The following IL1RAPL1 variants were observed in gnomAD, a reference collection of about 807,000 sequenced individuals.
The protein encoded by IL1RAPL1 is interleukin-1 receptor accessory protein-like 1.
Under a neutral mutation model 48.4 loss-of-function variants are expected in IL1RAPL1, and 3 were observed. The ratio of observed to expected loss-of-function variants is 0.06; its 90% CI spans 0.03 to 0.16. The LOEUF is 0.16. IL1RAPL1 is among the 10% of genes least tolerant of loss of function. IL1RAPL1 has a pLI of 1.00. For missense variants in IL1RAPL1, 349 were observed against 530.6 expected (o/e 0.66, Z 3.36); for synonymous variants, 185 against 187.7 (o/e 0.99, Z 0.12).
At chrX:29,723,734 A>C (rs1215627687) in intron 6 of IL1RAPL1, among the ~76,000 whole-genome samples, 2 of 112,442 alleles carry the variant, frequency 1.8e-5, no homozygotes, top group Non-Finnish European at 3.8e-5. Context: ...GTAAGTAATG[A>C]AGTAGATAAA....
intron 6 of IL1RAPL1, among the ~76,000 whole-genome samples, chrX:29,895,463 A>G (rs978965356): frequency 3.6e-5 from 4 of 111,933 alleles, no homozygotes; most frequent in African/African-American, 1.3e-4. Context: ...GAGGCAGGAG[A>G]ATTGCTTGGA....
intron 6 of IL1RAPL1, among the ~76,000 whole-genome samples, chrX:29,867,134 A>G (rs1393713393): frequency 9.1e-6 from 1 of 109,561 alleles, no homozygotes; most frequent in Non-Finnish European, 1.9e-5. Flanking sequence ...ATAATAAAAT[A>G]TATATTGGTA....
chrX:29,319,200 A>G (rs1932784588), intron 3 of IL1RAPL1, among the ~76,000 whole-genome samples: 1 of 100,254 alleles, frequency 1.0e-5, no homozygotes, highest in Non-Finnish European at 2.1e-5. Context: ...CTATCTATCT[A>G]TCTATAGTTG....
intron 5 of IL1RAPL1, among the ~76,000 whole-genome samples, chrX:29,643,759 A>G (rs1925236587): frequency 9.0e-6 from 1 of 111,155 alleles, no homozygotes; most frequent in South Asian, 3.8e-4. Context: ...TTCTTTATTC[A>G]TGCTGCTCCC....
At chrX:28,752,091 G>T (rs1209740097) in intron 1 of IL1RAPL1, among the ~76,000 whole-genome samples, 3 of 111,972 alleles carry the variant, frequency 2.7e-5, no homozygotes, top group Non-Finnish European at 5.6e-5. Context: ...ACATAAACTG[G>T]CATGCACATT....
intron 2 of IL1RAPL1, among the ~76,000 whole-genome samples, chrX:28,977,257 C>T (rs1346347556): frequency 8.9e-6 from 1 of 112,153 alleles, no homozygotes; most frequent in Non-Finnish European, 1.9e-5. Flanking sequence ...TTAATTGGTT[C>T]ACAGTTCTGC....
chrX:29,085,100 T>C (rs745978738), intron 2 of IL1RAPL1, among the ~76,000 whole-genome samples: 1 of 112,210 alleles, frequency 8.9e-6, no homozygotes, highest in South Asian at 3.7e-4. Context: ...GGTGATCCAA[T>C]AGAATTCTAT....
chrX:28,966,318 C>T (rs778641320), intron 2 of IL1RAPL1, among the ~76,000 whole-genome samples: 1 of 111,876 alleles, frequency 8.9e-6, no homozygotes, highest in Non-Finnish European at 1.9e-5. Context: ...CCTCTTCTTC[C>T]AATTAGCTGA....
rs780966568 is a variant in IL1RAPL1 at position 29,590,322 on chromosome X, C to G, written c.704-78108C>G. 6.3e-5 allele frequency among the ~76,000 whole-genome samples: 7 copies of G among 111,740 alleles called. No individual in the cohort carries two copies. The Admixed American group carries it at 6.6e-4, about 11-fold the overall frequency. On this transcript the variant is annotated intron_variant, in intron 5 of 10. Transcript: ENST00000378993. ...GAGCTTATACAAGAAACAGCATGAA[C>G]TTGCTTGGGGCCAGTTTATTAAATC... is the stretch of plus-strand genomic sequence containing the variant.
intron 2 of IL1RAPL1, among the ~76,000 whole-genome samples, chrX:28,848,280 T>C (rs1418932563): frequency 1.8e-5 from 2 of 111,195 alleles, no homozygotes; most frequent in Non-Finnish European, 1.9e-5. Flanking sequence ...TGTATACCTA[T>C]GTAACAAACC....
At chrX:29,892,903 A>G (rs1037297845) in intron 6 of IL1RAPL1, among the ~76,000 whole-genome samples, 1 of 112,173 alleles carries the variant, frequency 8.9e-6, no homozygotes, top group Admixed American at 9.4e-5. Flanking sequence ...ACAAGACACA[A>G]TCTGTTAAGT....
At chrX:28,968,946 A>T (rs1409982274) in intron 2 of IL1RAPL1, among the ~76,000 whole-genome samples, 1 of 112,885 alleles carries the variant, frequency 8.9e-6, no homozygotes, top group Non-Finnish European at 1.9e-5. Flanking sequence ...TTTATTGAAT[A>T]AAAACAAAAG....
At chrX:29,430,583 ATATATATATATGTGTGTG>A (rs1268318912) in intron 5 of IL1RAPL1, among the ~76,000 whole-genome samples, 1 of 25,455 alleles carries the variant, frequency 3.9e-5, no homozygotes, top group Non-Finnish European at 7.0e-5. Context: ...ATATATGTGT[ATATATATATATGTGTGTG>A]TGTGTGTGTG....
At chrX:28,818,873 C>G (rs1256133358) in intron 2 of IL1RAPL1, among the ~76,000 whole-genome samples, 1 of 110,931 alleles carries the variant, frequency 9.0e-6, no homozygotes, top group African/African-American at 3.3e-5. Flanking sequence ...TTCTCTAGTA[C>G]TATCTTGAGA....
intron 3 of IL1RAPL1, among the ~76,000 whole-genome samples, chrX:29,315,671 T>C (rs990594084): frequency 3.2e-4 from 36 of 111,976 alleles, no homozygotes; most frequent in Non-Finnish European, 1.7e-4. Flanking sequence ...TGCAAAATTC[T>C]GGAAACAAGG....
chrX:29,905,120 T>G (rs945677161), intron 6 of IL1RAPL1, among the ~76,000 whole-genome samples: 5 of 112,506 alleles, frequency 4.4e-5, no homozygotes, highest in Non-Finnish European at 7.5e-5. Flanking sequence ...TCTCTAATGA[T>G]CAGTGATAAT....
At chrX:29,593,314 C>A (rs1255247417) in intron 5 of IL1RAPL1, among the ~76,000 whole-genome samples, 1 of 111,755 alleles carries the variant, frequency 8.9e-6, no homozygotes, top group Non-Finnish European at 1.9e-5. Context: ...GCATATGGTT[C>A]CTACCAGGTT....
intron 5 of IL1RAPL1, among the ~76,000 whole-genome samples, chrX:29,656,692 T>C (rs1424714159): frequency 1.8e-5 from 2 of 111,085 alleles, no homozygotes; most frequent in African/African-American, 6.5e-5. Flanking sequence ...TTGATAGGTA[T>C]GTAGGCTAGT....
chrX:28,807,073 G>T (rs919436046), intron 2 of IL1RAPL1, among the ~76,000 whole-genome samples: 1 of 110,993 alleles, frequency 9.0e-6, no homozygotes, highest in African/African-American at 3.3e-5. Context: ...TAGTAATTTT[G>T]CTTTCTTGGG....
Sources: gnomAD v4.1 joint callset for allele counts (sites outside exome capture counted in the v4.1 genomes callset) on GRCh38, gnomAD v4.1.1 for gene constraint, MANE v1.5 for transcripts, NCBI Gene and HGNC (gene_info 2026-07-23, HGNC 2026-07-21) for gene names.